PRKDC: variants seen among roughly 807,000 people sequenced by gnomAD.
PRKDC encodes DNA-dependent protein kinase catalytic subunit.
In PRKDC, 82 loss-of-function variants were observed where a neutral mutation model predicts 486.9. The ratio of observed to expected loss-of-function variants is 0.17; its 90% CI spans 0.14 to 0.20. The LOEUF (loss-of-function observed/expected upper bound fraction) is 0.20, where lower values mean the gene tolerates loss of function less well. Among genes scored for constraint, PRKDC ranks in the 10% least tolerant of loss-of-function variants. PRKDC has a pLI of 1.00. For missense variants in PRKDC, 4,504 were observed against 5,038.2 expected, an observed-to-expected ratio of 0.89 and a Z score of 3.21; for synonymous variants, 1,895 against 1,837.0, an observed-to-expected ratio of 1.03 and a Z score of -0.81.
chr8:47,913,057 T>C (rs995476039), intron 24 of PRKDC, among the ~76,000 whole-genome samples: 2 of 152,218 alleles, frequency 1.3e-5, no homozygotes, highest in African/African-American at 4.8e-5. Flanking sequence ...TTTGTTAGCA[T>C]TTTTAAGCAA....
chr8:47,949,308 C>T (rs111239141), intron 7 of PRKDC, among the ~76,000 whole-genome samples: 1 of 152,328 alleles, frequency 6.6e-6, no homozygotes, highest in African/African-American at 2.4e-5. Context: ...ACCCTGGTGG[C>T]CATTATTCTC....
chr8:47,939,330 A>G (rs2090401966), intron 11 of PRKDC, among the ~76,000 whole-genome samples: 2 of 152,234 alleles, frequency 1.3e-5, no homozygotes. Context: ...ACAAAAGGTC[A>G]GCCCTCTATA....
intron 16 of PRKDC, among the ~76,000 whole-genome samples, chr8:47,931,744 T>C (rs1425144677): frequency 1.3e-5 from 2 of 152,272 alleles, no homozygotes; most frequent in African/African-American, 2.4e-5. Flanking sequence ...ATCAGCACCA[T>C]CTGGTCTGAA....
intron 40 of PRKDC, among the ~76,000 whole-genome samples, chr8:47,867,172 A>T (rs961973961): frequency 6.6e-6 from 1 of 152,172 alleles, no homozygotes; most frequent in Non-Finnish European, 1.5e-5. Context: ...AATGAGGAAG[A>T]TTTCTATATG....
Position 47,954,333 on chromosome 8 carries a change from C to T in PRKDC, c.508+5G>A. The T allele has an allele frequency of 1.7e-6, 2 of 1,152,548 alleles. No individual in the cohort carries two copies. The highest frequency in any genetic ancestry group is 2.4e-6 in the Non-Finnish European group (2 of 836,216). The allele number at this position is 1,152,548 out of a possible 1,614,324, so 71.4% of individuals were successfully genotyped here. On this transcript the variant is annotated splice_donor_5th_base_variant and intron_variant, in intron 5 of 85. Transcript: ENST00000314191. Reference sequence around the variant, plus strand: ...ATTTGAAAATAACATGTAAATGCATCTCACCTGTATCTGGTATTTTTTTTT... The same window carrying T: ...ATTTGAAAATAACATGTAAATGCATTTCACCTGTATCTGGTATTTTTTTTT...
intron 43 of PRKDC, 94 bp from the exon 44 acceptor site, chr8:47,862,221 G>A (rs1031653797): frequency 1.5e-6 from 2 of 1,359,278 alleles, no homozygotes; most frequent in African/African-American, 1.5e-5. Flanking sequence ...ATAGCTCATG[G>A]AAAAGCACTC....
chr8:47,802,090 G>T (rs959166882), intron 70 of PRKDC, among the ~76,000 whole-genome samples: 3 of 151,836 alleles, frequency 2.0e-5, no homozygotes, highest in Non-Finnish European at 4.4e-5. Flanking sequence ...TAGAAACAGG[G>T]TCTCACTACA....
intron 39 of PRKDC, among the ~76,000 whole-genome samples, 173 bp downstream of exon 39, chr8:47,879,318 C>T (rs2089157173): frequency 6.6e-6 from 1 of 152,006 alleles, no homozygotes; most frequent in African/African-American, 2.4e-5. Context: ...AAATAATGAC[C>T]CTAGTAAAAA....
rs1166990371 is a variant in PRKDC at position 47,783,634 on chromosome 8, T to A, written c.11175+108A>T. The A allele has an allele frequency of 4.8e-6, 5 of 1,048,268 alleles. No homozygotes were observed. In the African/African-American group the frequency reaches 8.0e-5, roughly 17 times the overall value. The allele number at this position is 1,048,268 out of a possible 1,614,324, so 64.9% of individuals were successfully genotyped here. A position where few individuals can be genotyped will look rare whatever the true frequency, so the allele number is the denominator to read the frequency against. On this transcript the variant is annotated intron_variant, in intron 78 of 85. Coordinates refer to ENST00000314191, the MANE Select transcript of PRKDC (RefSeq NM_006904.7). ...CAGTAAATATGCTAAACTTGATATA[T>A]CTGTGATCAACATGGGCCGTTGTCT...
intron 56 of PRKDC, among the ~76,000 whole-genome samples, chr8:47,837,987 T>C (rs1021081463): frequency 6.6e-6 from 1 of 151,784 alleles, no homozygotes; most frequent in African/African-American, 2.4e-5. Flanking sequence ...AATACAAAAA[T>C]TAGCTGGGCA....
intron 69 of PRKDC, 35 bp downstream of exon 69, chr8:47,807,102 G>A: frequency 1.9e-6 from 3 of 1,580,614 alleles, no homozygotes; most frequent in Non-Finnish European, 2.6e-6. Context: ...GCAAAATCCT[G>A]TGACACAGCA....
chr8:47,878,105 T>G (rs952648555), intron 39 of PRKDC, among the ~76,000 whole-genome samples: 2 of 144,740 alleles, frequency 1.4e-5, no homozygotes, highest in African/African-American at 2.5e-5. Context: ...TTTTTTAGGT[T>G]TTTTTTTTTT....
In PRKDC at chr8:47,943,956, T is replaced by C. The variant is rs757737923; in HGVS notation, c.777+18A>G. 7 of 1,553,762 alleles carry C rather than the reference T, an allele frequency of 4.5e-6. No individual in the cohort carries two copies. In the South Asian group the frequency reaches 5.9e-5, roughly 13 times the overall value. On this transcript the variant is annotated intron_variant, in intron 8 of 85. Transcript: ENST00000314191. The stretch of plus-strand genomic sequence containing the variant: ...TGTAAAGGCATTAGAATAATATTAA[T>C]AGTAATATTAATCCTACCTGAGGAC...
intron 74 of PRKDC, among the ~76,000 whole-genome samples, chr8:47,792,358 A>G (rs942625945): frequency 4.7e-5 from 7 of 149,512 alleles, no homozygotes; most frequent in Non-Finnish European, 8.9e-5. Flanking sequence ...TCCCGGGTTC[A>G]CGCCATTCTC....
rs1185890705 is a variant in PRKDC, at chr8:47,960,040, C to T, written c.87G>A (p.Leu29=). ...GGCCGCGGATCAGTTGATGACCGGC[C>T]AGGGCAGCACCGCAGCGGTCCGCAG... is the stretch of plus-strand genomic sequence containing the variant. ...LSAADRCGAA[L]AGHQLIRGLG... The change falls in exon 1 of 86, where the codon CTG becomes CTA. Residue 29 remains leucine, a synonymous_variant. Coordinates refer to ENST00000314191, the MANE Select transcript of PRKDC (RefSeq NM_006904.7). The T allele has an allele frequency of 2.6e-6, 4 of 1,533,534 alleles. No individual in the cohort carries two copies. Among genetic ancestry groups the T allele is most frequent in the Non-Finnish European group, 3.5e-6 (4 of 1,146,386 alleles). 95.0% of individuals were successfully genotyped at this position (1,533,534 alleles called of 1,614,324 possible). A position where few individuals can be genotyped will look rare whatever the true frequency, so the allele number is the denominator to read the frequency against.
At chr8:47,950,256 G>C (rs2090605281) in intron 7 of PRKDC, among the ~76,000 whole-genome samples, 1 of 141,922 alleles carries the variant, frequency 7.0e-6, no homozygotes, top group Admixed American at 7.1e-5. Flanking sequence ...TGGGTGACAA[G>C]AGTGAAACTC....
intron 85 of PRKDC, among the ~76,000 whole-genome samples, chr8:47,776,035 G>C (rs187509554): frequency 5.3e-5 from 8 of 152,030 alleles, no homozygotes; most frequent in Middle Eastern, 3.4e-3. Flanking sequence ...TGATGGCCAG[G>C]GTGGTCTCGA....
At chr8:47,779,155 G>T in intron 80 of PRKDC, 62 bp from the exon 81 acceptor site, 1 of 1,205,554 alleles carries the variant, frequency 8.3e-7, no homozygotes, top group South Asian at 1.4e-5. Flanking sequence ...GATTTCAAAG[G>T]CAAAGATCAC....
intron 4 of PRKDC, among the ~76,000 whole-genome samples, chr8:47,955,335 G>A (rs1246047345): frequency 4.2e-4 from 62 of 147,924 alleles, no homozygotes; most frequent in African/African-American, 1.7e-4. Flanking sequence ...AGTGGCGGGC[G>A]CCTGTAGTCC....
Sources: allele counts gnomAD v4.1 joint callset (sites outside exome capture counted in the v4.1 genomes callset), GRCh38; gene constraint gnomAD v4.1.1; transcripts MANE v1.5; gene names NCBI Gene and HGNC (gene_info 2026-07-23, HGNC 2026-07-21).